VWF: variants seen among roughly 807,000 people sequenced by gnomAD.
VWF encodes the protein von Willebrand factor.
VWF carries 176 observed loss-of-function variants against 308.6 expected under a neutral mutation model. The observed-to-expected ratio is 0.57, with a 90% CI of 0.50 to 0.65. VWF has a LOEUF of 0.65. Ranked by LOEUF, VWF falls within the 30% of genes least tolerant of loss-of-function variation. The pLI, the probability that VWF is intolerant of heterozygous loss-of-function variation, is 0.00. For synonymous variants in VWF, 1,385 were observed against 1,443.4 expected (o/e 0.96, Z 0.92); for missense variants, 3,146 against 3,648.2 (o/e 0.86, Z 3.55).
chr12:6,120,556 G>A (rs1355362588), intron 3 of VWF, among the ~76,000 whole-genome samples: 11 of 152,082 alleles, frequency 7.2e-5, no homozygotes, highest in Non-Finnish European at 1.2e-4. Context: ...ACCCACCTTG[G>A]CCTCCCAAAG....
At chr12:5,971,570 T>G in intron 44 of VWF, 29 bp downstream of exon 44, 7 of 1,593,256 alleles carry the variant, frequency 4.4e-6, no homozygotes, top group Non-Finnish European at 6.0e-6. Flanking sequence ...CAATCTGCCC[T>G]CCTCCCCGTC....
chr12:5,995,221 C>T (rs568944200), intron 35 of VWF, among the ~76,000 whole-genome samples: 8 of 152,144 alleles, frequency 5.3e-5, no homozygotes, highest in Non-Finnish European at 8.8e-5. Flanking sequence ...TGCCACTAGA[C>T]GCTCTTTCTT....
rs73266880 is a variant in VWF, at chr12:6,116,324, T to C, written c.220+4850A>G. 8.7e-3 allele frequency among the ~76,000 whole-genome samples: 1,316 copies of C among 152,056 alleles called. 21 individuals are homozygous for C. The highest frequency in any genetic ancestry group is 0.029 in the African/African-American group (1,209 of 41,482). On this transcript the variant is annotated intron_variant, in intron 3 of 51. Coordinates refer to ENST00000261405, the MANE Select transcript of VWF (RefSeq NM_000552.5). ...TAAGCTCCTAGCCCACATATTAGAG[T>C]GAGAGGAATCCTGGGACCTTCAGAA... is the stretch of plus-strand genomic sequence containing the variant.
At chr12:6,043,970 T>C (rs1186574613) in intron 18 of VWF, among the ~76,000 whole-genome samples, 1 of 152,160 alleles carries the variant, frequency 6.6e-6, no homozygotes, top group Non-Finnish European at 1.5e-5. Flanking sequence ...AAAATTCTAG[T>C]GGGAATGCTT....
intron 2 of VWF, chr12:6,122,873 C>T (rs770624943): frequency 1.4e-6 from 1 of 731,952 alleles, no homozygotes; most frequent in Admixed American, 1.7e-5. Flanking sequence ...TTCCTTCCTC[C>T]TCATCCTGTG....
In VWF at chr12:6,118,938, C is replaced by T. The variant is rs146259517; in HGVS notation, c.220+2236G>A. On this transcript the variant is annotated intron_variant, in intron 3 of 51. Coordinates refer to ENST00000261405, the MANE Select transcript of VWF (RefSeq NM_000552.5). ...CCTCTGAAGCAAGTTGGGACCCTCA[C>T]GGTCAGTGTTGAGGATGACTTTCTT... 4.6e-5 allele frequency among the ~76,000 whole-genome samples: 7 copies of T among 152,342 alleles called. No homozygotes were observed. In the East Asian group the frequency reaches 7.7e-4, roughly 17 times the overall value.
Position 6,073,848 on chromosome 12 carries a change from C to T in VWF, c.875-107G>A, listed in dbSNP as rs531073242. On this transcript the variant is annotated intron_variant, in intron 7 of 51. Coordinates refer to ENST00000261405, the MANE Select transcript of VWF (RefSeq NM_000552.5). ...TCTCGTGCCCACTCTGACTGCTCCCCTCTGTCTTCAGGCTTCCAGGTCCTT... is the reference window on the plus strand; with the variant it reads ...TCTCGTGCCCACTCTGACTGCTCCCTTCTGTCTTCAGGCTTCCAGGTCCTT... 7.1e-6 allele frequency: 11 copies of T among 1,547,028 alleles called. No individual in the cohort carries two copies. The East Asian group carries it at 2.4e-4, about 33-fold the overall frequency.
intron 38 of VWF, among the ~76,000 whole-genome samples, chr12:5,991,167 T>TCACACACA (rs201361783): frequency 1.9e-3 from 251 of 134,972 alleles, no homozygotes; most frequent in Non-Finnish European, 2.3e-3. Context: ...CAAGGGATTC[T>TCACACACA]CACACACACA....
At chr12:5,985,771 C>T (rs11063974) in intron 38 of VWF, 106 bp from the exon 39 acceptor site, 3 of 1,058,648 alleles carry the variant, frequency 2.8e-6, no homozygotes, top group Middle Eastern at 2.1e-4. Flanking sequence ...CAGTCCCTGA[C>T]CCAGCCCTCT....
intron 16 of VWF, among the ~76,000 whole-genome samples, chr12:6,050,544 T>C (rs886168342): frequency 1.3e-5 from 2 of 152,162 alleles, no homozygotes; most frequent in Admixed American, 6.5e-5. Context: ...CTGAACCTCA[T>C]CCCAACTTCC....
At chr12:6,045,884 C>G (rs2136442074) in intron 17 of VWF, among the ~76,000 whole-genome samples, 1 of 152,254 alleles carries the variant, frequency 6.6e-6, no homozygotes, top group African/African-American at 2.4e-5. Context: ...ATGTGAAACC[C>G]CCAGTACCAG....
chr12:6,105,902 G>C (rs1391006270), intron 5 of VWF, among the ~76,000 whole-genome samples: 1 of 152,008 alleles, frequency 6.6e-6, no homozygotes, highest in East Asian at 1.9e-4. Flanking sequence ...AATTAGCTGT[G>C]CGTGGTGGCA....
chr12:6,025,894 A>G lies in VWF; in HGVS notation c.3108+12T>C. On this transcript the variant is annotated intron_variant, in intron 23 of 51. Transcript: ENST00000261405. Reference sequence around the variant, plus strand: ...GCTCTAGGGCTCTGTCCACACAGAGACCCAGACGTACTTTTCTGGTGTCAG... The same window carrying G: ...GCTCTAGGGCTCTGTCCACACAGAGGCCCAGACGTACTTTTCTGGTGTCAG... 1 of 1,613,904 alleles carries G rather than the reference A, an allele frequency of 6.2e-7. No individual in the cohort carries two copies. Among genetic ancestry groups the G allele is most frequent in the Non-Finnish European group, 8.5e-7 (1 of 1,179,870 alleles).
rs1944318906 is a variant in VWF at position 6,034,965 on chromosome 12, C to A, written c.2547-139G>T. ...CAGGAAGCCCAAGGAAGTTGAGGAC[C>A]TGTAGCGTGGAGTGTGGACTTCATA... is the stretch of plus-strand genomic sequence containing the variant. On this transcript the variant is annotated intron_variant, in intron 19 of 51. Transcript: ENST00000261405. 7.3e-6 allele frequency: 8 copies of A among 1,099,144 alleles called. No homozygotes were observed. In the Admixed American group the frequency reaches 1.7e-4, roughly 24 times the overall value. The allele number at this position is 1,099,144 out of a possible 1,614,324, so 68.1% of individuals were successfully genotyped here.
intron 13 of VWF, among the ~76,000 whole-genome samples, chr12:6,061,458 A>G (rs933450015): frequency 4.5e-5 from 6 of 134,808 alleles, no homozygotes; most frequent in Admixed American, 1.6e-4. Context: ...TTGCAGGTTT[A>G]TTTTCATAAA....
intron 39 of VWF, 141 bp from the exon 40 acceptor site, chr12:5,985,260 G>A: frequency 1.2e-6 from 1 of 868,410 alleles, no homozygotes; most frequent in Admixed American, 2.0e-5. Context: ...CGGGACCTCT[G>A]ACAGATGAGT....
intron 44 of VWF, among the ~76,000 whole-genome samples, chr12:5,969,609 A>C (rs1417069397): frequency 6.6e-6 from 1 of 152,378 alleles, no homozygotes; most frequent in East Asian, 1.9e-4. Context: ...TGACTGAGGC[A>C]CCCAGGCAAG....
chr12:5,961,589 C>A (rs373918750), intron 47 of VWF, among the ~76,000 whole-genome samples: 174 of 124,698 alleles, frequency 1.4e-3, no homozygotes, highest in African/African-American at 1.5e-3. Flanking sequence ...TCTGCCCCCT[C>A]AAAAAAAAAA....
At chr12:5,964,853 G>T (rs1943381642) in intron 47 of VWF, among the ~76,000 whole-genome samples, 1 of 152,190 alleles carries the variant, frequency 6.6e-6, no homozygotes, top group Non-Finnish European at 1.5e-5. Context: ...GGAAGAAAAG[G>T]GAAAGGAGGC....
Sources: gnomAD v4.1 joint callset for allele counts (sites outside exome capture counted in the v4.1 genomes callset) on GRCh38, gnomAD v4.1.1 for gene constraint, MANE v1.5 for transcripts, NCBI Gene and HGNC (gene_info 2026-07-23, HGNC 2026-07-21) for gene names.